The following GPC5 variants were observed in gnomAD, a reference collection of about 807,000 sequenced individuals.
GPC5 encodes the protein glypican-5.
GPC5 carries 47 observed loss-of-function variants against 53.9 expected under a neutral mutation model. That is an observed-to-expected ratio of 0.87 (90% CI 0.69 to 1.11). The LOEUF (loss-of-function observed/expected upper bound fraction) is 1.11. Ranked by LOEUF, GPC5 falls within the 50% of genes most tolerant of loss-of-function variation. The pLI is 0.00. For synonymous variants in GPC5, 286 were observed against 263.3 expected, an observed-to-expected ratio of 1.09 and a Z score of -0.84; for missense variants, 748 against 713.1, an observed-to-expected ratio of 1.05 and a Z score of -0.56.
At chr13:91,659,569 A>G (rs185707551) in intron 2 of GPC5, among the ~76,000 whole-genome samples, 17 of 152,350 alleles carry the variant, frequency 1.1e-4, no homozygotes, top group Admixed American at 9.1e-4. Flanking sequence ...ATTCATTTAA[A>G]TAGTGTTAAG....
At chr13:92,035,973 G>C (rs1171088672) in intron 6 of GPC5, among the ~76,000 whole-genome samples, 2 of 152,210 alleles carry the variant, frequency 1.3e-5, no homozygotes, top group African/African-American at 4.8e-5. Flanking sequence ...TTGCATTATA[G>C]GTTAAATCCA....
At chr13:92,757,779 G>A (rs1334640526) in intron 7 of GPC5, among the ~76,000 whole-genome samples, 1 of 152,152 alleles carries the variant, frequency 6.6e-6, no homozygotes, top group Non-Finnish European at 1.5e-5. Flanking sequence ...AAACCACAAT[G>A]AGATACCATC....
At chr13:91,824,586 AT>A (rs1049945015) in intron 5 of GPC5, among the ~76,000 whole-genome samples, 3 of 152,122 alleles carry the variant, frequency 2.0e-5, no homozygotes, top group African/African-American at 7.2e-5. Flanking sequence ...CTGTAAATAA[AT>A]AGGAGTTATT....
chr13:91,440,304 A>G (rs1254317989), intron 1 of GPC5, among the ~76,000 whole-genome samples: 5 of 151,950 alleles, frequency 3.3e-5, no homozygotes, highest in Non-Finnish European at 7.4e-5. Flanking sequence ...ATTTATTTTT[A>G]ATCTTTTTCT....
chr13:92,275,880 T>C (rs758796381), intron 7 of GPC5, among the ~76,000 whole-genome samples: 16 of 152,042 alleles, frequency 1.1e-4, no homozygotes, highest in Non-Finnish European at 2.9e-5. Flanking sequence ...CAGTAATAGG[T>C]TGACATTTGC....
chr13:91,696,618 A>G (rs2035884153), intron 3 of GPC5, among the ~76,000 whole-genome samples: 1 of 152,170 alleles, frequency 6.6e-6, no homozygotes, highest in South Asian at 2.1e-4. Flanking sequence ...TAGTACTTCC[A>G]AGTCTACTCC....
At chr13:92,545,327 C>T (rs183198771) in intron 7 of GPC5, among the ~76,000 whole-genome samples, 2,110 of 152,264 alleles carry the variant, frequency 0.014, 31 homozygotes, top group Non-Finnish European at 0.025. Context: ...CATTGTTGGA[C>T]ATCTGGGTTG....
chr13:92,547,838 T>C (rs1274862156), intron 7 of GPC5, among the ~76,000 whole-genome samples: 2 of 140,496 alleles, frequency 1.4e-5, no homozygotes, highest in Non-Finnish European at 3.1e-5. Context: ...TTTTTTTTTT[T>C]TTTTTCTTTT....
rs181845491 is a variant in GPC5, at chr13:91,440,665, G to C, written c.164-8096G>C. 5.9e-5 allele frequency among the ~76,000 whole-genome samples: 9 copies of C among 152,196 alleles called. No individual in the cohort carries two copies. The East Asian group carries it at 1.7e-3, about 29-fold the overall frequency. ...GTTCAGTAATTTTAGATTGTCCCTT[G>C]GATTCTGTGGATGTTATATTATTCT... On this transcript the variant is annotated intron_variant, in intron 1 of 7. Transcript: ENST00000377067.
intron 3 of GPC5, among the ~76,000 whole-genome samples, chr13:91,695,951 G>A (rs2035871291): frequency 1.3e-5 from 2 of 152,282 alleles, no homozygotes; most frequent in South Asian, 4.1e-4. Context: ...GCAGTAGACA[G>A]GCAAGCTTTC....
At chr13:92,734,916 G>T (rs1377258712) in intron 7 of GPC5, among the ~76,000 whole-genome samples, 8 of 151,668 alleles carry the variant, frequency 5.3e-5, no homozygotes, top group African/African-American at 2.4e-5. Context: ...AACATTCAGA[G>T]TCCAATGACT....
intron 7 of GPC5, among the ~76,000 whole-genome samples, chr13:92,171,770 T>A (rs138191937): frequency 6.6e-6 from 1 of 152,234 alleles, no homozygotes; most frequent in Non-Finnish European, 1.5e-5. Flanking sequence ...TTGAGACCTG[T>A]ATGTCTCTAA....
At chr13:92,286,072 G>A (rs1197618270) in intron 7 of GPC5, among the ~76,000 whole-genome samples, 5 of 152,116 alleles carry the variant, frequency 3.3e-5, no homozygotes, top group Admixed American at 1.3e-4. Context: ...ACAAGTGGGC[G>A]AAGGATATGA....
At chr13:92,853,495 T>A (rs536946206) in intron 7 of GPC5, among the ~76,000 whole-genome samples, 1 of 152,248 alleles carries the variant, frequency 6.6e-6, no homozygotes, top group South Asian at 2.1e-4. Context: ...TATATCCCCA[T>A]CCGATAAGGC....
intron 7 of GPC5, among the ~76,000 whole-genome samples, chr13:92,587,353 T>A (rs1883570639): frequency 6.6e-6 from 1 of 152,220 alleles, no homozygotes; most frequent in African/African-American, 2.4e-5. Context: ...TGGGAATTAG[T>A]ATTCTTTCAT....
At chr13:91,431,678 A>G (rs185455105) in intron 1 of GPC5, among the ~76,000 whole-genome samples, 2 of 152,318 alleles carry the variant, frequency 1.3e-5, no homozygotes, top group African/African-American at 4.8e-5. Flanking sequence ...CAACAAACTA[A>G]TCAGAGGTGT....
chr13:92,652,797 C>A (rs1313030457), intron 7 of GPC5, among the ~76,000 whole-genome samples: 1 of 152,100 alleles, frequency 6.6e-6, no homozygotes, highest in East Asian at 1.9e-4. Context: ...CCTCTAGATT[C>A]TTGCAATGGT....
chr13:91,518,008 ACACAGCCAAACTATAT>A (rs1381239645), intron 2 of GPC5, among the ~76,000 whole-genome samples: 2 of 152,208 alleles, frequency 1.3e-5, no homozygotes, highest in Non-Finnish European at 2.9e-5. Flanking sequence ...TTCGGCGAAG[ACACAGCCAAACTATAT>A]CACCATCTTA....
intron 7 of GPC5, among the ~76,000 whole-genome samples, chr13:92,281,759 G>C (rs1376221942): frequency 6.6e-6 from 1 of 152,106 alleles, no homozygotes; most frequent in African/African-American, 2.4e-5. Context: ...ATCAACATCA[G>C]CAACGACCAA....
Sources: allele counts gnomAD v4.1 joint callset (sites outside exome capture counted in the v4.1 genomes callset), GRCh38; gene constraint gnomAD v4.1.1; transcripts MANE v1.5; gene names NCBI Gene and HGNC (gene_info 2026-07-23, HGNC 2026-07-21).